SMAD4: variants seen among roughly 807,000 people sequenced by gnomAD.
SMAD4 encodes the protein SMAD family member 4, also known as MAD homolog 4.
In SMAD4, 7 loss-of-function variants were observed where a neutral mutation model predicts 63.2. The ratio of observed to expected loss-of-function variants is 0.11; its 90% confidence interval spans 0.06 to 0.21. The LOEUF (loss-of-function observed/expected upper bound fraction) is 0.21, where lower values mean the gene tolerates loss of function less well. SMAD4 is among the 10% of genes least tolerant of loss of function. SMAD4 has a pLI of 1.00. For missense variants in SMAD4, 312 were observed against 693.8 expected, an observed-to-expected ratio of 0.45 and a Z score of 6.18; for synonymous variants, 215 against 235.4, an observed-to-expected ratio of 0.91 and a Z score of 0.79.
intron 11 of SMAD4, chr18:51,077,491 C>G: frequency 2.3e-6 from 1 of 440,924 alleles, no homozygotes; most frequent in Non-Finnish European, 3.0e-6. Flanking sequence ...GCAAATTCCT[C>G]CCATTAGTTT....
At chr18:51,072,371 A>G (rs28601741) in intron 10 of SMAD4, among the ~76,000 whole-genome samples, 1 of 152,186 alleles carries the variant, frequency 6.6e-6, no homozygotes, top group East Asian at 1.9e-4. Flanking sequence ...GTTTTTGAAC[A>G]CATTTATTTT....
intron 4 of SMAD4, chr18:51,049,562 A>C (rs1568203680): frequency 2.0e-6 from 1 of 488,042 alleles, no homozygotes; most frequent in East Asian, 3.2e-5. Flanking sequence ...AGTACTGTAA[A>C]AAAATATGAT....
chr18:51,047,300 GTCT>G lies in SMAD4; in HGVS notation c.249+7_249+9del, dbSNP rs767544359. 1 of 1,610,742 alleles carries G rather than the reference GTCT, an allele frequency of 6.2e-7. No homozygotes were observed. Among genetic ancestry groups the G allele is most frequent in the Non-Finnish European group, 8.5e-7 (1 of 1,178,000 alleles). ...ACATTGGATGGGAGGCTTCAGGTTA[GTCT>G]TATAAGAGTTTTTCTATACCCTCTA... On this transcript the variant is annotated splice_donor_region_variant and intron_variant, in intron 2 of 11. Coordinates refer to ENST00000342988, the MANE Select transcript of SMAD4 (RefSeq NM_005359.6).
At chr18:51,063,926 T>A (rs1910083218) in intron 8 of SMAD4, among the ~76,000 whole-genome samples, 1 of 152,376 alleles carries the variant, frequency 6.6e-6, no homozygotes, top group South Asian at 2.1e-4. Flanking sequence ...TTTTGATAAC[T>A]CCTCATTGCA....
intron 4 of SMAD4, chr18:51,051,147 A>G (rs937534316): frequency 4.4e-6 from 1 of 225,018 alleles, no homozygotes; most frequent in Non-Finnish European, 9.0e-6. Flanking sequence ...GTGTGTCTGA[A>G]TCTCTCTATG....
At chr18:51,050,581 C>T (rs1290260356) in intron 4 of SMAD4, among the ~76,000 whole-genome samples, 3 of 151,374 alleles carry the variant, frequency 2.0e-5, no homozygotes, top group African/African-American at 7.3e-5. Context: ...ATGGTGTGAA[C>T]CCGGGAGGCA....
chr18:51,072,998 A>G (rs1305275932), intron 10 of SMAD4, among the ~76,000 whole-genome samples: 3 of 152,142 alleles, frequency 2.0e-5, no homozygotes, highest in African/African-American at 7.2e-5. Flanking sequence ...GGTTTTAGTT[A>G]TTAGTGAACC....
In SMAD4 at chr18:51,047,051, A is replaced by G; in HGVS notation, c.5A>G (p.Asp2Gly). ...TAAAAGGAAAAACTTGAACAAATGG[A>G]CAATATGTCTATTACGAATACACCA... Reference protein sequence around the residue: MDNMSITNTPTS... With the variant: MGNMSITNTPTS... The change falls in exon 2 of 12, where the codon GAC becomes GGC. Residue 2 changes from aspartate (D) to glycine (G), a missense_variant. Asp to Gly is a moderately conservative substitution (Grantham distance 94). Coordinates refer to ENST00000342988, the MANE Select transcript of SMAD4 (RefSeq NM_005359.6). 1 of 1,613,674 alleles carries G rather than the reference A, an allele frequency of 6.2e-7. No homozygotes were observed. Among genetic ancestry groups the G allele is most frequent in the Non-Finnish European group, 8.5e-7 (1 of 1,179,584 alleles).
At chr18:51,053,800 G>A (rs969152889) in intron 4 of SMAD4, 1 of 152,094 alleles carries the variant, frequency 6.6e-6, no homozygotes, top group African/African-American at 2.4e-5. Context: ...TCTTTTTGTG[G>A]TCTACTAATT....
chr18:51,050,613 AGTG>A (rs994058310), intron 4 of SMAD4, among the ~76,000 whole-genome samples: 49 of 149,930 alleles, frequency 3.3e-4, no homozygotes, highest in African/African-American at 1.2e-3. Context: ...GAGCCGAGAT[AGTG>A]GCACTGCACT....
intron 8 of SMAD4, 77 bp downstream of exon 8, chr18:51,059,993 A>G: frequency 9.3e-7 from 1 of 1,071,518 alleles, no homozygotes; most frequent in Non-Finnish European, 1.5e-6. Context: ...ACAGGCTTTA[A>G]TGGAATTATG....
intron 10 of SMAD4, 102 bp downstream of exon 10, chr18:51,067,289 AAAT>A (rs1910190429): frequency 8.2e-6 from 5 of 611,760 alleles, no homozygotes; most frequent in Non-Finnish European, 1.2e-5. Flanking sequence ...TTTATATATT[AAAT>A]AATAAGAAAT....
intron 10 of SMAD4, among the ~76,000 whole-genome samples, chr18:51,073,391 A>ATATATATAT (rs1223048001): frequency 1.8e-5 from 1 of 55,694 alleles, no homozygotes; most frequent in Admixed American, 2.1e-4. Context: ...ATATATATAC[A>ATATATATAT]CACACACACA....
At chr18:51,038,251 TGG>T (rs374538576) in intron 1 of SMAD4, among the ~76,000 whole-genome samples, 4 of 94,894 alleles carry the variant, frequency 4.2e-5, no homozygotes, top group Admixed American at 1.1e-4. Context: ...AGCGAGACTG[TGG>T]GGGGGGGGGC....
chr18:51,040,860 C>T (rs960980368), intron 1 of SMAD4, among the ~76,000 whole-genome samples: 1 of 152,234 alleles, frequency 6.6e-6, no homozygotes, highest in African/African-American at 2.4e-5. Context: ...TAGTGCCTTT[C>T]AGATAGGCCT....
intron 1 of SMAD4, among the ~76,000 whole-genome samples, chr18:51,033,394 T>G (rs1909110059): frequency 6.6e-6 from 1 of 152,240 alleles, no homozygotes. Flanking sequence ...TTCGCCATGT[T>G]GGCCAGACTG....
intron 5 of SMAD4, among the ~76,000 whole-genome samples, chr18:51,055,802 C>T (rs1460839754): frequency 1.3e-5 from 2 of 151,668 alleles, no homozygotes; most frequent in African/African-American, 4.8e-5. Flanking sequence ...AAACCCACAT[C>T]AGAATAGATT....
chr18:51,076,210 ACTC>A (rs1466033616), intron 10 of SMAD4, among the ~76,000 whole-genome samples: 2 of 152,102 alleles, frequency 1.3e-5, no homozygotes, highest in East Asian at 3.9e-4. Flanking sequence ...ATTTTGTTAA[ACTC>A]CTCCAAATAA....
chr18:51,062,851 G>GTTTATTT (rs1910052239), intron 8 of SMAD4, among the ~76,000 whole-genome samples: 1 of 65,386 alleles, frequency 1.5e-5, no homozygotes. Flanking sequence ...GGCTTTACTT[G>GTTTATTT]TTTTTTTTTT....
Sources: gnomAD v4.1 joint callset for allele counts (sites outside exome capture counted in the v4.1 genomes callset) on GRCh38, gnomAD v4.1.1 for gene constraint, MANE v1.5 for transcripts, NCBI Gene and HGNC (gene_info 2026-07-23, HGNC 2026-07-21) for gene names.